SMIM35: variants seen among roughly 807,000 people sequenced by gnomAD.
The protein encoded by SMIM35 is small integral membrane protein 35.
chr11:118,080,078 G>A (rs1792445098), intron 1 of SMIM35, among the ~76,000 whole-genome samples: 1 of 152,174 alleles, frequency 6.6e-6, no homozygotes, highest in Admixed American at 6.5e-5. Flanking sequence ...CTCTAAATGG[G>A]GCTGGGGATT....
intron 1 of SMIM35, among the ~76,000 whole-genome samples, chr11:118,066,657 G>T (rs1364748901): frequency 6.6e-6 from 1 of 151,972 alleles, no homozygotes; most frequent in Non-Finnish European, 1.5e-5. Flanking sequence ...CTAACATCAG[G>T]AGACTTGAGA....
At chr11:118,028,957 C>T (rs1238310666) in intron 1 of SMIM35, 5 of 404,652 alleles carry the variant, frequency 1.2e-5, no homozygotes, top group South Asian at 3.7e-5. Flanking sequence ...AGGAGAAATT[C>T]GTGGCTATGT....
At chr11:118,018,614 AG>A (rs976470467) in intron 1 of SMIM35, among the ~76,000 whole-genome samples, 1 of 152,202 alleles carries the variant, frequency 6.6e-6, no homozygotes, top group Non-Finnish European at 1.5e-5. Flanking sequence ...TGGGGTTTGA[AG>A]GGTTTCATCA....
At chr11:118,082,675 A>G (rs552667525) in intron 1 of SMIM35, among the ~76,000 whole-genome samples, 3 of 152,344 alleles carry the variant, frequency 2.0e-5, no homozygotes, top group South Asian at 2.1e-4. Context: ...TAGACTTTCA[A>G]GAAGACTAAA....
chr11:118,021,146 T>A (rs996033829), intron 1 of SMIM35, among the ~76,000 whole-genome samples: 3 of 152,024 alleles, frequency 2.0e-5, no homozygotes, highest in Non-Finnish European at 4.4e-5. Context: ...ACTAGCTCAA[T>A]GTTTTCATCT....
chr11:118,025,951 T>G (rs2058270821), intron 1 of SMIM35: 1 of 313,056 alleles, frequency 3.2e-6, no homozygotes, highest in African/African-American at 2.3e-5. Flanking sequence ...CTTTAATTTA[T>G]CTTGAGTTAA....
At chr11:118,029,082 G>T in intron 1 of SMIM35, 1 of 295,672 alleles carries the variant, frequency 3.4e-6, no homozygotes, top group Non-Finnish European at 6.7e-6. Flanking sequence ...CTCAAATAAA[G>T]GACATGGCAA....
intron 1 of SMIM35, among the ~76,000 whole-genome samples, chr11:118,080,590 C>G (rs1945050452): frequency 6.6e-6 from 1 of 152,162 alleles, no homozygotes; most frequent in Non-Finnish European, 1.5e-5. Flanking sequence ...CTCAGTGCAG[C>G]TGAGAACCCA....
chr11:118,014,426 ATG>A (rs2058167471), intron 3 of SMIM35, among the ~76,000 whole-genome samples: 2 of 151,008 alleles, frequency 1.3e-5, no homozygotes, highest in Admixed American at 6.6e-5. Flanking sequence ...GGATGGATGG[ATG>A]GATGAATGGA....
intron 1 of SMIM35, among the ~76,000 whole-genome samples, chr11:118,082,434 G>A (rs1264132303): frequency 1.3e-5 from 2 of 152,030 alleles, no homozygotes; most frequent in African/African-American, 4.8e-5. Context: ...AGTAGCTCAC[G>A]CCTGTAATCC....
intron 1 of SMIM35, among the ~76,000 whole-genome samples, chr11:118,052,348 G>A (rs78979565): frequency 0.016 from 2,461 of 152,192 alleles, 107 homozygotes; most frequent in East Asian, 0.1. Flanking sequence ...TGCTGCAAGC[G>A]GGGAGCTGCT....
chr11:118,013,836 C>T lies in SMIM35; in HGVS notation c.203G>A (p.Gly68Asp), dbSNP rs2058162509. 5.0e-6 allele frequency: 2 copies of T among 398,944 alleles called. No homozygotes were observed. 24.7% of individuals were successfully genotyped at this position (398,944 alleles called of 1,614,324 possible). The change falls in exon 4 of 5, where the codon GGT becomes GAT. Residue 68 changes from glycine (G) to aspartate (D), a missense_variant. By Grantham distance (94) the Gly-to-Asp change is moderately conservative. Transcript: ENST00000689828. Reference protein sequence around the residue: ...LEMGPPFTISGHISSTDGGYM... With the variant: ...LEMGPPFTISDHISSTDGGYM... ...GCCACCATCTGTGCTGCTGATGTGA[C>T]CACTGATGGTGAAGGGTGGACCCAT...
intron 1 of SMIM35, among the ~76,000 whole-genome samples, chr11:118,051,911 G>A (rs971157757): frequency 3.9e-5 from 6 of 152,062 alleles, no homozygotes; most frequent in Admixed American, 1.3e-4. Context: ...CAAGAGACAC[G>A]GGTGACGCAG....
intron 4 of SMIM35, among the ~76,000 whole-genome samples, chr11:118,008,882 GC>G (rs1462407336): frequency 6.6e-6 from 1 of 152,210 alleles, no homozygotes; most frequent in East Asian, 1.9e-4. Context: ...GAGACTGGAT[GC>G]CCCCATGGTG....
chr11:118,009,068 G>A (rs1437931462), intron 4 of SMIM35, among the ~76,000 whole-genome samples: 9 of 152,232 alleles, frequency 5.9e-5, no homozygotes, highest in African/African-American at 2.2e-4. Context: ...CTGGCATGAA[G>A]AATGGGCAGA....
At chr11:118,039,130 G>A (rs974850454) in intron 1 of SMIM35, among the ~76,000 whole-genome samples, 1 of 152,152 alleles carries the variant, frequency 6.6e-6, no homozygotes, top group Non-Finnish European at 1.5e-5. Context: ...AAACAACTCT[G>A]GCTGCCATGT....
At position 118,056,172 on chromosome 11, in the gene SMIM35, T is replaced by C. The variant is rs571197367; in HGVS notation, c.7+30579A>G. Reference sequence around the variant, plus strand: ...TTCTCAAGGAGAGGCGGGATTCTATTGGCCCCTGAGAGGCTCACTTGGGCC... The same window carrying C: ...TTCTCAAGGAGAGGCGGGATTCTATCGGCCCCTGAGAGGCTCACTTGGGCC... On this transcript the variant is annotated intron_variant, in intron 1 of 4. Transcript: ENST00000689828. Among the ~76,000 whole-genome samples the C allele has an allele frequency of 7.9e-5, 12 of 152,214 alleles. 1 individual carries two copies. The South Asian group carries it at 2.3e-3, about 29-fold the overall frequency.
intron 1 of SMIM35, among the ~76,000 whole-genome samples, chr11:118,071,638 G>C (rs1944573398): frequency 6.6e-6 from 1 of 152,188 alleles, no homozygotes; most frequent in Non-Finnish European, 1.5e-5. Context: ...CACTGAAACT[G>C]ATCTCAATTT....
intron 1 of SMIM35, among the ~76,000 whole-genome samples, chr11:118,038,472 A>C (rs967496728): frequency 3.3e-5 from 5 of 152,188 alleles, no homozygotes; most frequent in South Asian, 2.1e-4. Flanking sequence ...ATGTGCAAGC[A>C]AGTTTGCCAT....
Sources: allele counts gnomAD v4.1 joint callset (sites outside exome capture counted in the v4.1 genomes callset), GRCh38; gene constraint gnomAD v4.1.1; transcripts MANE v1.5; gene names NCBI Gene and HGNC (gene_info 2026-07-23, HGNC 2026-07-21).